The following COMMD1 variants were observed in gnomAD, a reference collection of about 807,000 sequenced individuals.
COMMD1 encodes COMM domain-containing protein 1.
A neutral mutation model predicts 17.2 loss-of-function variants in COMMD1; 10 were observed. The ratio of observed to expected loss-of-function variants is 0.58; its 90% CI spans 0.36 to 0.99. COMMD1 has a LOEUF of 0.99. Ranked by LOEUF, COMMD1 falls within the 50% of genes least tolerant of loss-of-function variation. The pLI is 0.01. For synonymous variants in COMMD1, 97 were observed against 91.6 expected (o/e 1.06, Z -0.34); for missense variants, 270 against 231.8 (o/e 1.17, Z -1.07).
intron 1 of COMMD1, among the ~76,000 whole-genome samples, chr2:61,940,661 A>G (rs1670719781): frequency 6.6e-6 from 1 of 152,092 alleles, no homozygotes; most frequent in South Asian, 2.1e-4. Context: ...TAACCATCCA[A>G]AAATTTCTAT....
At chr2:61,917,585 T>C (rs1670082087) in intron 1 of COMMD1, among the ~76,000 whole-genome samples, 2 of 152,162 alleles carry the variant, frequency 1.3e-5, no homozygotes, top group South Asian at 4.1e-4. Flanking sequence ...TGGACTGCAG[T>C]GCCGTGATCT....
intron 2 of COMMD1, among the ~76,000 whole-genome samples, chr2:62,017,754 C>T (rs1248679616): frequency 1.3e-5 from 2 of 151,676 alleles, no homozygotes; most frequent in African/African-American, 2.4e-5. Context: ...ACGCTGACTT[C>T]AGGCTGGGCA....
At chr2:61,909,086 A>G (rs1420928340) in intron 1 of COMMD1, among the ~76,000 whole-genome samples, 2 of 151,766 alleles carry the variant, frequency 1.3e-5, no homozygotes, top group African/African-American at 4.8e-5. Flanking sequence ...GCACCACCAC[A>G]CCAGGCTAAT....
intron 2 of COMMD1, among the ~76,000 whole-genome samples, chr2:62,085,557 G>T (rs1490890477): frequency 6.6e-6 from 1 of 152,124 alleles, no homozygotes; most frequent in African/African-American, 2.4e-5. Context: ...TAAAAACATG[G>T]CTGGGCATGG....
chr2:61,980,994 T>C (rs529693762), intron 1 of COMMD1, among the ~76,000 whole-genome samples: 16 of 152,330 alleles, frequency 1.1e-4, no homozygotes, highest in African/African-American at 3.6e-4. Context: ...CATTTTAAAA[T>C]TGGGTTATTA....
chr2:61,905,367 T>G (rs1279801135), upstream of COMMD1, among the ~76,000 whole-genome samples: 1 of 152,222 alleles, frequency 6.6e-6, no homozygotes, highest in African/African-American at 2.4e-5. Context: ...ACTGCCAAAC[T>G]TATAGGCTGC....
At chr2:61,903,773 C>G (rs1159736369), upstream of COMMD1, among the ~76,000 whole-genome samples, 1 of 151,948 alleles carries the variant, frequency 6.6e-6, no homozygotes, top group East Asian at 2.0e-4. Context: ...ATCTCCTGAC[C>G]TCAGGTGATC....
intron 1 of COMMD1, among the ~76,000 whole-genome samples, chr2:61,938,465 C>T (rs1245115005): frequency 6.6e-6 from 1 of 152,094 alleles, no homozygotes. Flanking sequence ...GGGAAAGAGG[C>T]GAGCTTATAA....
chr2:62,019,225 G>A (rs1669545952), intron 2 of COMMD1, among the ~76,000 whole-genome samples: 2 of 150,606 alleles, frequency 1.3e-5, no homozygotes, highest in East Asian at 2.0e-4. Context: ...CCAGGCTGGA[G>A]TGCAATGGCG....
At chr2:62,098,230 C>T (rs779241911) in intron 2 of COMMD1, among the ~76,000 whole-genome samples, 6 of 147,562 alleles carry the variant, frequency 4.1e-5, no homozygotes, top group Non-Finnish European at 7.4e-5. Context: ...GATCTTGGCT[C>T]ACTGCAACTT....
intron 1 of COMMD1, among the ~76,000 whole-genome samples, chr2:61,910,864 A>C (rs1318535844): frequency 6.6e-6 from 1 of 150,940 alleles, no homozygotes; most frequent in African/African-American, 2.4e-5. Context: ...CAGGTGGATC[A>C]CCTGAAGTCC....
At chr2:62,117,736 G>T (rs1044026066) in intron 2 of COMMD1, among the ~76,000 whole-genome samples, 1 of 152,038 alleles carries the variant, frequency 6.6e-6, no homozygotes, top group Non-Finnish European at 1.5e-5. Flanking sequence ...GTGATTTCTG[G>T]CTCCCCCTGA....
At chr2:62,126,254 T>C (rs1672885197) in intron 2 of COMMD1, among the ~76,000 whole-genome samples, 1 of 152,216 alleles carries the variant, frequency 6.6e-6, no homozygotes, top group African/African-American at 2.4e-5. Flanking sequence ...ATCTTTTTAA[T>C]AGAATGATTT....
chr2:62,020,529 A>G (rs542339641), intron 2 of COMMD1, among the ~76,000 whole-genome samples: 1 of 152,272 alleles, frequency 6.6e-6, no homozygotes, highest in African/African-American at 2.4e-5. Flanking sequence ...TGTCTCTTTC[A>G]GTCGAAATGG....
At chr2:62,067,399 C>G (rs1479952767) in intron 2 of COMMD1, among the ~76,000 whole-genome samples, 5 of 152,068 alleles carry the variant, frequency 3.3e-5, no homozygotes, top group Admixed American at 3.3e-4. Context: ...CTTACTTGAT[C>G]TTTAACACTC....
intron 1 of COMMD1, among the ~76,000 whole-genome samples, chr2:61,948,608 TTAAATA>T (rs1469337383): frequency 2.0e-5 from 3 of 152,252 alleles, no homozygotes; most frequent in Non-Finnish European, 2.9e-5. Context: ...ATTCACTAGT[TTAAATA>T]TAAGAGTCTG....
intron 2 of COMMD1, among the ~76,000 whole-genome samples, chr2:62,047,280 G>A (rs778377745): frequency 2.0e-5 from 3 of 152,108 alleles, no homozygotes; most frequent in Non-Finnish European, 4.4e-5. Context: ...CATTGTAGCT[G>A]TTGTAATGTC....
intron 1 of COMMD1, among the ~76,000 whole-genome samples, chr2:61,951,105 C>T (rs935482299): frequency 3.9e-5 from 6 of 152,076 alleles, no homozygotes; most frequent in Non-Finnish European, 7.4e-5. Context: ...GAAACTCCCA[C>T]GGAGAGAGGG....
chr2:62,030,692 G>T (rs778554768), intron 2 of COMMD1, among the ~76,000 whole-genome samples: 3 of 151,644 alleles, frequency 2.0e-5, no homozygotes, highest in Non-Finnish European at 4.4e-5. Context: ...TGTCATATAC[G>T]GTCTCTTAAT....
Sources: gnomAD v4.1 joint callset for allele counts (sites outside exome capture counted in the v4.1 genomes callset) on GRCh38, gnomAD v4.1.1 for gene constraint, MANE v1.5 for transcripts, NCBI Gene and HGNC (gene_info 2026-07-23, HGNC 2026-07-21) for gene names.